The following COG7 variants were observed in gnomAD, a reference collection of about 807,000 sequenced individuals.
The protein encoded by COG7 is conserved oligomeric Golgi complex subunit 7.
Under a neutral mutation model 91.5 loss-of-function variants are expected in COG7, and 49 were observed. That is an observed-to-expected ratio of 0.54 (90% CI 0.43 to 0.68). The LOEUF is 0.68. COG7 is among the 30% of genes least tolerant of loss of function. COG7 has a pLI of 0.00. For missense variants in COG7, 895 were observed against 961.3 expected, an observed-to-expected ratio of 0.93 and a Z score of 0.91; for synonymous variants, 365 against 388.7, an observed-to-expected ratio of 0.94 and a Z score of 0.72.
intron 6 of COG7, among the ~76,000 whole-genome samples, chr16:23,428,683 GTTTCT>G (rs1168061830): frequency 3.4e-5 from 5 of 147,874 alleles, no homozygotes; most frequent in Non-Finnish European, 7.5e-5. Context: ...CAATGTGGTT[GTTTCT>G]TTTCTTTTTT....
At chr16:23,396,665 G>A (rs372950321) in intron 14 of COG7, among the ~76,000 whole-genome samples, 1 of 151,798 alleles carries the variant, frequency 6.6e-6, no homozygotes, top group Non-Finnish European at 1.5e-5. Context: ...GGTGACAGAG[G>A]CTCCATCTCA....
At position 23,434,728 on chromosome 16, in the gene COG7, A is replaced by G. The variant is rs1963988134; in HGVS notation, c.605-10T>C. 1.9e-6 allele frequency: 3 copies of G among 1,583,796 alleles called. No homozygotes were observed. The highest frequency in any genetic ancestry group is 2.6e-6 in the Non-Finnish European group (3 of 1,152,440). On this transcript the variant is annotated splice_polypyrimidine_tract_variant and intron_variant, in intron 4 of 16. Transcript: ENST00000307149. ...AACACTTTGGACTGATCTAAAGAAC[A>G]TACAATGTATATATACTGTTACCAG...
chr16:23,406,899 C>T (rs1963472067), intron 11 of COG7, among the ~76,000 whole-genome samples: 1 of 152,160 alleles, frequency 6.6e-6, no homozygotes, highest in Non-Finnish European at 1.5e-5. Flanking sequence ...ATATGATAAT[C>T]CACCCCTTGT....
rs1378761730 is a variant in COG7 at position 23,392,528 on chromosome 16, A to G, written c.2003-5T>C. ...CCAGCTCGGGCAATTCATCCCCTGAAAAGAAAAGGAGGTCACCAAGGAAAA... is the reference window on the plus strand; with the variant it reads ...CCAGCTCGGGCAATTCATCCCCTGAGAAGAAAAGGAGGTCACCAAGGAAAA... On this transcript the variant is annotated splice_region_variant and splice_polypyrimidine_tract_variant and intron_variant, in intron 15 of 16. Coordinates refer to ENST00000307149, the MANE Select transcript of COG7 (RefSeq NM_153603.4). The G allele has an allele frequency of 6.2e-7, 1 of 1,614,202 alleles. No homozygotes were observed. Among genetic ancestry groups the G allele is most frequent in the South Asian group, 1.1e-5 (1 of 91,088 alleles).
At chr16:23,442,054 C>T (rs1032896131) in intron 4 of COG7, 9 of 179,810 alleles carry the variant, frequency 5.0e-5, no homozygotes, top group South Asian at 2.3e-4. Flanking sequence ...CACTCCTGGC[C>T]GGGCGCGGTG....
At chr16:23,437,129 G>A (rs544002592) in intron 4 of COG7, among the ~76,000 whole-genome samples, 10 of 152,206 alleles carry the variant, frequency 6.6e-5, no homozygotes, top group Admixed American at 2.0e-4. Flanking sequence ...CGCCATTTTC[G>A]CCTTCTGAAT....
intron 3 of COG7, among the ~76,000 whole-genome samples, chr16:23,444,451 C>T (rs1964150920): frequency 6.6e-6 from 1 of 151,776 alleles, no homozygotes; most frequent in Admixed American, 6.6e-5. Flanking sequence ...CCCCATGTTC[C>T]ACCCTCTCGT....
At chr16:23,416,649 G>A in intron 9 of COG7, 2 of 379,690 alleles carry the variant, frequency 5.3e-6, no homozygotes, top group Non-Finnish European at 9.9e-6. Context: ...CCTTTTTCTT[G>A]TTCAAATAAA....
chr16:23,440,138 C>T (rs1253528189), intron 4 of COG7, among the ~76,000 whole-genome samples: 1 of 151,242 alleles, frequency 6.6e-6, no homozygotes, highest in African/African-American at 2.4e-5. Flanking sequence ...CCTGTAATAC[C>T]TGCACTTTGG....
chr16:23,400,989 G>A (rs30017), intron 13 of COG7, among the ~76,000 whole-genome samples: 44,654 of 146,672 alleles, frequency 0.3, 8,086 homozygotes, highest in African/African-American at 0.51. Flanking sequence ...AGGGGGGGGG[G>A]AAAACAGCAG....
At chr16:23,404,912 T>G (rs1220475701) in intron 12 of COG7, among the ~76,000 whole-genome samples, 1 of 152,102 alleles carries the variant, frequency 6.6e-6, no homozygotes, top group African/African-American at 2.4e-5. Flanking sequence ...AGAGTGAGAC[T>G]CCATCTCAAA....
chr16:23,433,341 T>C (rs972024653), intron 6 of COG7, among the ~76,000 whole-genome samples: 12 of 152,152 alleles, frequency 7.9e-5, no homozygotes, highest in Admixed American at 7.9e-4. Flanking sequence ...TCCGCCCACT[T>C]CGACCTTCCA....
chr16:23,434,565 C>T, intron 5 of COG7, 71 bp downstream of exon 5: 3 of 1,149,190 alleles, frequency 2.6e-6, no homozygotes, highest in Non-Finnish European at 3.9e-6. Context: ...GAATTATGAA[C>T]CTGCGATTCT....
chr16:23,398,021 T>C, intron 14 of COG7, 25 bp downstream of exon 14: 1 of 1,601,596 alleles, frequency 6.2e-7, no homozygotes, highest in South Asian at 1.1e-5. Context: ...TGGACCACCC[T>C]GGAGAAGCAC....
chr16:23,440,863 G>A (rs771080654), intron 4 of COG7, among the ~76,000 whole-genome samples: 3 of 151,986 alleles, frequency 2.0e-5, no homozygotes, highest in African/African-American at 4.8e-5. Flanking sequence ...TATATGCTCC[G>A]GAACAGATAC....
chr16:23,440,436 G>A (rs1350933859), intron 4 of COG7, among the ~76,000 whole-genome samples: 1 of 149,652 alleles, frequency 6.7e-6, no homozygotes, highest in East Asian at 1.9e-4. Context: ...CAGAGCTAAG[G>A]AAAAAAATTA....
chr16:23,417,383 T>C (rs1963674808), intron 8 of COG7: 1 of 512,720 alleles, frequency 2.0e-6, no homozygotes, highest in African/African-American at 1.9e-5. Context: ...TTCATTGCTT[T>C]CCTCTTTTTC....
Position 23,433,632 on chromosome 16 carries a change from T to G in COG7, c.723A>C (p.Gln241His), listed in dbSNP as rs1596946947. The G allele has an allele frequency of 6.2e-7, 1 of 1,613,994 alleles. No individual in the cohort carries two copies. Among genetic ancestry groups the G allele is most frequent in the Non-Finnish European group, 8.5e-7 (1 of 1,179,986 alleles). Residue 241 changes from glutamine (Q) to histidine (H), a missense_variant, in exon 6 of 17, where the codon CAA becomes CAC. Gln to His is a conservative substitution (Grantham distance 24). Coordinates refer to ENST00000307149, the MANE Select transcript of COG7 (RefSeq NM_153603.4). ...QLLAAWQELC[Q>H]SDLSLDRQLT... ...GCTGCCGGTCCAGGGATAGGTCACT[T>G]TGACACAGCTCTTGCCAGGCTGCTA...
At chr16:23,405,154 G>A (rs185092504) in intron 12 of COG7, among the ~76,000 whole-genome samples, 38 of 152,288 alleles carry the variant, frequency 2.5e-4, no homozygotes, top group Admixed American at 7.8e-4. Context: ...CAAGGGCAGC[G>A]TTATGGCAGG....
Sources: allele counts gnomAD v4.1 joint callset (sites outside exome capture counted in the v4.1 genomes callset), GRCh38; gene constraint gnomAD v4.1.1; transcripts MANE v1.5; gene names NCBI Gene and HGNC (gene_info 2026-07-23, HGNC 2026-07-21).